The following PLEKHM1 variants were observed in gnomAD, a reference collection of about 807,000 sequenced individuals.
PLEKHM1 encodes the protein pleckstrin homology domain-containing family M member 1.
In PLEKHM1, 28 loss-of-function variants were observed where a neutral mutation model predicts 94.3. The observed-to-expected ratio is 0.30, with a 90% CI of 0.22 to 0.41. The LOEUF (loss-of-function observed/expected upper bound fraction) is 0.41, where lower values mean the gene tolerates loss of function less well. Among genes scored for constraint, PLEKHM1 ranks in the 10% least tolerant of loss-of-function variants. The probability of loss-of-function intolerance (pLI) is 1.00; values close to 1 mark genes in which losing one functional copy is unlikely to be tolerated. For missense variants in PLEKHM1, 907 were observed against 1,358.6 expected (o/e 0.67, Z 5.22); for synonymous variants, 424 against 581.2 (o/e 0.73, Z 3.89).
intron 5 of PLEKHM1, among the ~76,000 whole-genome samples, chr17:45,466,529 A>AAT (rs2051326473): frequency 6.6e-6 from 1 of 152,248 alleles, no homozygotes; most frequent in African/African-American, 2.4e-5. Context: ...TTATATCTGT[A>AAT]ATATATAAAG....
In PLEKHM1 at chr17:45,457,150, G is replaced by GA. The variant is rs570180870; in HGVS notation, c.1579+1018dup. ...TATACCACTGTACTCCAGCCTGGGTGACAGAGCAAGACTCTGCCTCAGAAA... is the reference window on the plus strand; with the variant it reads ...TATACCACTGTACTCCAGCCTGGGTGAACAGAGCAAGACTCTGCCTCAGAAA... On this transcript the variant is annotated intron_variant, in intron 6 of 11. Transcript: ENST00000430334. Among the ~76,000 whole-genome samples, 57 of 137,232 alleles carry GA rather than the reference G, an allele frequency of 4.2e-4. No individual in the cohort carries two copies. In the East Asian group the frequency reaches 8.5e-3, roughly 20 times the overall value. 90.0% of individuals were successfully genotyped at this position (137,232 alleles called of 152,430 possible). A position where few individuals can be genotyped will look rare whatever the true frequency, so the allele number is the denominator to read the frequency against.
chr17:45,457,311 C>T (rs1227473138), intron 6 of PLEKHM1, among the ~76,000 whole-genome samples: 1 of 151,890 alleles, frequency 6.6e-6, no homozygotes, highest in African/African-American at 2.4e-5. Flanking sequence ...GCCTGTAATC[C>T]CAGCACTTTA....
chr17:45,470,547 T>C (rs1413158825), intron 4 of PLEKHM1, among the ~76,000 whole-genome samples: 1 of 152,254 alleles, frequency 6.6e-6, no homozygotes, highest in Admixed American at 6.5e-5. Context: ...GAGAATCACT[T>C]GAACCCGGGA....
At chr17:45,469,241 C>T (rs1399806536) in intron 4 of PLEKHM1, among the ~76,000 whole-genome samples, 3 of 152,160 alleles carry the variant, frequency 2.0e-5, no homozygotes, top group African/African-American at 7.2e-5. Flanking sequence ...TATGAGTACA[C>T]ACGAGATGTG....
At position 45,440,245 on chromosome 17, in the gene PLEKHM1, C is replaced by A. The variant is rs368597494; in HGVS notation, c.2838-19G>T. ...GTTGAGCCTTCAAACAAAACACAAG[C>A]GATTCTTTAGAAAGGTTTCCAGAAC... is the stretch of plus-strand genomic sequence containing the variant. On this transcript the variant is annotated intron_variant, in intron 9 of 11. Transcript: ENST00000430334. 1 of 1,612,850 alleles carries A rather than the reference C, an allele frequency of 6.2e-7. No homozygotes were observed. Among genetic ancestry groups the A allele is most frequent in the South Asian group, 1.1e-5 (1 of 91,072 alleles).
Position 45,478,181 on chromosome 17 carries a change from C to T in PLEKHM1, c.49-34G>A, listed in dbSNP as rs771759109. On this transcript the variant is annotated intron_variant, in intron 2 of 11. Transcript: ENST00000430334. The stretch of plus-strand genomic sequence containing the variant: ...CACCACACAGAACACAGGCCTTTAG[C>T]GGAAAATCCTATGGAGAGTCCCTAG... 5.8e-5 allele frequency: 94 copies of T among 1,613,890 alleles called. No homozygotes were observed. In the South Asian group the frequency reaches 6.7e-4, roughly 12 times the overall value.
At chr17:45,449,660 A>G (rs1025506948) in intron 8 of PLEKHM1, among the ~76,000 whole-genome samples, 1 of 148,284 alleles carries the variant, frequency 6.7e-6, no homozygotes, top group Non-Finnish European at 1.5e-5. Flanking sequence ...CTAACCATCC[A>G]CCTAGCCACC....
Position 45,453,440 on chromosome 17 carries a change from G to A in PLEKHM1, c.2412C>T (p.Ala804=). ...DENCQEVLKF[A]TRENGFLLQY... ...GCAGCAGGAAGCCATTCTCCCGGGT[G>A]GCAAATTTCAGCACCTCCTGACAGT... The change falls in exon 7 of 12, where the codon GCC becomes GCT. Residue 804 remains alanine, a synonymous_variant. Transcript: ENST00000430334. The surrounding 1 kb of genome is among the most constrained non-coding windows in gnomAD (Gnocchi z 4.1). 6.2e-7 allele frequency: 1 copy of A among 1,612,946 alleles called. No homozygotes were observed. The highest frequency in any genetic ancestry group is 8.5e-7 in the Non-Finnish European group (1 of 1,179,474).
intron 6 of PLEKHM1, 50 bp from the exon 7 acceptor site, chr17:45,454,322 T>C (rs2050879558): frequency 6.6e-7 from 1 of 1,514,424 alleles, no homozygotes; most frequent in African/African-American, 1.4e-5. Flanking sequence ...CCTGTCTCTG[T>C]CCTGCCCAAG....
At position 45,453,763 on chromosome 17, in the gene PLEKHM1, T is replaced by A. The variant is rs1567775576; in HGVS notation, c.2089A>T (p.Thr697Ser). The A allele has an allele frequency of 6.2e-7, 1 of 1,613,980 alleles. No homozygotes were observed. The highest frequency in any genetic ancestry group is 1.3e-5 in the African/African-American group (1 of 75,060). The change falls in exon 7 of 12, where the codon ACC (threonine) becomes TCC (serine). Residue 697 changes from threonine to serine, a missense_variant. Physicochemically the swap from Thr to Ser is moderately conservative, Grantham distance 58 (BLOSUM62 1). This residue lies in a region of PLEKHM1 where 477 missense variants were observed against 601.5 expected (regional missense o/e 0.79). Coordinates refer to ENST00000430334, the MANE Select transcript of PLEKHM1 (RefSeq NM_014798.3). This position sits in a 1 kb window ranked among gnomAD's most constrained non-coding sequence, Gnocchi z 4.1. Reference sequence around the variant, plus strand: ...AGAGAAAATATATAGGGCATCCAGGTCCTGTCCATGTACAAGTACAGCAGG... The same window carrying A: ...AGAGAAAATATATAGGGCATCCAGGACCTGTCCATGTACAAGTACAGCAGG... ...ESLLYLYMDR[T>S]WMPYIFSLSL...
At chr17:45,452,621 G>T (rs2050804827) in intron 7 of PLEKHM1, among the ~76,000 whole-genome samples, 1 of 151,650 alleles carries the variant, frequency 6.6e-6, no homozygotes, top group African/African-American at 2.4e-5. Context: ...AAATAAAGCA[G>T]CTGGCCCAGT....
intron 7 of PLEKHM1, among the ~76,000 whole-genome samples, chr17:45,451,887 C>T (rs1808190): frequency 5.3e-5 from 8 of 152,352 alleles, no homozygotes; most frequent in South Asian, 4.1e-4. Context: ...AAAGTGTGAG[C>T]GCTGGGGCAG....
At chr17:45,475,754 A>C in intron 3 of PLEKHM1, 28 bp from the exon 4 acceptor site, 1 of 1,571,662 alleles carries the variant, frequency 6.4e-7, no homozygotes. Flanking sequence ...ACGTGTTTCA[A>C]GAAACTACCC....
chr17:45,466,408 C>T (rs2051322552), intron 5 of PLEKHM1, among the ~76,000 whole-genome samples: 2 of 152,128 alleles, frequency 1.3e-5, no homozygotes, highest in Admixed American at 1.3e-4. Context: ...AACTGCACAT[C>T]ATTAAAAGAA....
rs777747002 is a variant in PLEKHM1 at position 45,477,855 on chromosome 17, T to C, written c.296+45A>G. 3.1e-6 allele frequency: 5 copies of C among 1,609,200 alleles called. No homozygotes were observed. The South Asian group carries it at 3.3e-5, about 11-fold the overall frequency. On this transcript the variant is annotated intron_variant, in intron 3 of 11. Transcript: ENST00000430334. ...GGAGGAAAAGCCAAGTGTCCCATAG[T>C]CTGCTGCTCCTCCGCAAAGCAAAAC...
At chr17:45,477,348 T>C in intron 3 of PLEKHM1, 1 of 181,510 alleles carries the variant, frequency 5.5e-6, no homozygotes, top group South Asian at 1.1e-4. Flanking sequence ...GCAGGAGAAT[T>C]GCTTGAACCT....
chr17:45,475,450 G>C lies in PLEKHM1; in HGVS notation c.573C>G (p.Thr191=), dbSNP rs2051693452. ...GGCAAAGCCCAGACAGGGCCAATGG[G>C]GTGAGCGTCCACTCATTTAAGATGG... is the stretch of plus-strand genomic sequence containing the variant. ...KSAILNEWTL[T]PLALSGLCPL... The change falls in exon 4 of 12, where the codon ACC becomes ACG. Residue 191 remains threonine (T), a synonymous_variant. Coordinates refer to ENST00000430334, the MANE Select transcript of PLEKHM1 (RefSeq NM_014798.3). The C allele has an allele frequency of 1.2e-6, 2 of 1,608,058 alleles. No individual in the cohort carries two copies. Among genetic ancestry groups the C allele is most frequent in the African/African-American group, 2.7e-5 (2 of 74,888 alleles).
At chr17:45,469,882 G>T (rs1319480384) in intron 4 of PLEKHM1, among the ~76,000 whole-genome samples, 1 of 152,110 alleles carries the variant, frequency 6.6e-6, no homozygotes, top group Non-Finnish European at 1.5e-5. Context: ...AGACTAGCAT[G>T]GCCAAGATGG....
At position 45,440,178 on chromosome 17, in the gene PLEKHM1, A is replaced by G. The variant is rs568836161; in HGVS notation, c.2886T>C (p.Val962=). ...YLLESPHRFS[V]ADLQQIADGV... Reference sequence around the variant, plus strand: ...ACACTCTTACCTGTTGGAGGTCAGCAACACTGAACCTATGCGGAGATTCCA... The same window carrying G: ...ACACTCTTACCTGTTGGAGGTCAGCGACACTGAACCTATGCGGAGATTCCA... Residue 962 remains valine, a synonymous_variant, in exon 10 of 12, where the codon GTT becomes GTC. Transcript: ENST00000430334. 1.2e-6 allele frequency: 2 copies of G among 1,614,012 alleles called. No individual in the cohort carries two copies. The highest frequency in any genetic ancestry group is 1.7e-5 in the Admixed American group (1 of 60,032).
Sources: gnomAD v4.1 joint callset for allele counts (sites outside exome capture counted in the v4.1 genomes callset) on GRCh38, gnomAD v4.1.1 for gene constraint, gnomAD v4.1.1 regional missense constraint, Gnocchi (gnomAD v3.1) non-coding constraint, MANE v1.5 for transcripts, NCBI Gene and HGNC (gene_info 2026-07-23, HGNC 2026-07-21) for gene names.